CSMD1: variants seen among roughly 807,000 people sequenced by gnomAD.
CSMD1 encodes CUB and sushi domain-containing protein 1.
CSMD1 carries 213 observed loss-of-function variants against 417.5 expected under a neutral mutation model. That is an observed-to-expected ratio of 0.51 (90% CI 0.46 to 0.57). The LOEUF (loss-of-function observed/expected upper bound fraction) is 0.57, where lower values mean the gene tolerates loss of function less well. Among genes scored for constraint, CSMD1 ranks in the 20% least tolerant of loss-of-function variants. CSMD1 has a pLI of 0.00. For missense variants in CSMD1, 6,923 were observed against 4,529.7 expected (o/e 1.53, Z -15.17); for synonymous variants, 2,862 against 1,736.8 (o/e 1.65, Z -16.11).
intron 7 of CSMD1, among the ~76,000 whole-genome samples, chr8:3,682,646 G>A (rs553165031): frequency 6.6e-6 from 1 of 152,264 alleles, no homozygotes; most frequent in South Asian, 2.1e-4. Context: ...ATTCCTCAGG[G>A]ATCTAGAATT....
In CSMD1 at chr8:3,710,475, C is replaced by G. The variant is rs572359108; in HGVS notation, c.932-1984G>C. Among the ~76,000 whole-genome samples, 5 of 152,238 alleles carry G rather than the reference C, an allele frequency of 3.3e-5. No homozygotes were observed. In the East Asian group the frequency reaches 9.7e-4, roughly 30 times the overall value. On this transcript the variant is annotated intron_variant, in intron 6 of 69. Transcript: ENST00000635120. Reference sequence around the variant, plus strand: ...CAACTCAGTAACCGACTGTGTGTGGCAGTGATTGTTACTCTTTTCAAATCA... The same window carrying G: ...CAACTCAGTAACCGACTGTGTGTGGGAGTGATTGTTACTCTTTTCAAATCA...
intron 1 of CSMD1, among the ~76,000 whole-genome samples, chr8:4,980,988 T>A (rs909014073): frequency 7.9e-5 from 12 of 152,230 alleles, no homozygotes; most frequent in Admixed American, 5.9e-4. Context: ...TCAATTTTTT[T>A]AAATTTAACA....
At chr8:3,398,741 T>G (rs1811852844) in intron 16 of CSMD1, among the ~76,000 whole-genome samples, 1 of 152,202 alleles carries the variant, frequency 6.6e-6, no homozygotes. Flanking sequence ...AATCATCAAT[T>G]TGGTCTCAGT....
chr8:3,264,817 C>T (rs931210453), intron 26 of CSMD1, among the ~76,000 whole-genome samples: 1 of 151,980 alleles, frequency 6.6e-6, no homozygotes, highest in Non-Finnish European at 1.5e-5. Context: ...GTTTTGCCTA[C>T]TGTAAAAACT....
At chr8:3,748,251 AT>A (rs201228967) in intron 6 of CSMD1, among the ~76,000 whole-genome samples, 202 of 152,040 alleles carry the variant, frequency 1.3e-3, no homozygotes, top group Non-Finnish European at 1.9e-3. Context: ...ATTAAAAACT[AT>A]TTTTTTTCAT....
intron 2 of CSMD1, among the ~76,000 whole-genome samples, chr8:4,522,013 G>C (rs1019655402): frequency 6.6e-6 from 1 of 152,146 alleles, no homozygotes; most frequent in Non-Finnish European, 1.5e-5. Context: ...CAAGTGAACT[G>C]TGAAAAACCT....
At chr8:3,595,044 C>A (rs1349848809) in intron 8 of CSMD1, among the ~76,000 whole-genome samples, 4 of 152,196 alleles carry the variant, frequency 2.6e-5, no homozygotes, top group Admixed American at 2.0e-4. Context: ...GGCACGTGAA[C>A]CCTTGGGAAC....
At chr8:4,453,600 A>G (rs1799284526) in intron 2 of CSMD1, among the ~76,000 whole-genome samples, 1 of 152,096 alleles carries the variant, frequency 6.6e-6, no homozygotes, top group South Asian at 2.1e-4. Flanking sequence ...AACTGCTGTG[A>G]ATCGACAGCA....
intron 1 of CSMD1, among the ~76,000 whole-genome samples, chr8:4,766,211 T>C (rs1311913428): frequency 1.3e-5 from 2 of 152,170 alleles, no homozygotes; most frequent in East Asian, 1.9e-4. Context: ...TAACAGAGCA[T>C]GTGCTGGTGC....
chr8:3,657,767 C>A (rs942473347), intron 7 of CSMD1, among the ~76,000 whole-genome samples: 1 of 152,056 alleles, frequency 6.6e-6, no homozygotes, highest in Non-Finnish European at 1.5e-5. Flanking sequence ...ATGGGCACAG[C>A]AAACCACCAT....
chr8:2,981,075 C>G (rs993839596), intron 54 of CSMD1, among the ~76,000 whole-genome samples: 4 of 152,130 alleles, frequency 2.6e-5, no homozygotes, highest in African/African-American at 9.7e-5. Context: ...AATTCTGAGG[C>G]TCCAATAGGA....
chr8:2,951,145 G>C lies in CSMD1; in HGVS notation c.10170C>G (p.Ser3390Arg), dbSNP rs375328479. 1 of 1,613,426 alleles carries C rather than the reference G, an allele frequency of 6.2e-7. No homozygotes were observed. The highest frequency in any genetic ancestry group is 1.7e-5 in the Admixed American group (1 of 59,948). The change falls in exon 66 of 70, where the codon AGC becomes AGG. Residue 3390 changes from serine (S) to arginine (R), a missense_variant. By Grantham distance (110) the Ser-to-Arg change is moderately radical. Coordinates refer to ENST00000635120, the MANE Select transcript of CSMD1 (RefSeq NM_033225.6). ...ATSSKVNATF[S>R]EASPVELKLT... ...ACTTCAGCTCCACTGGCGAGGCTTC[G>C]CTGAAGGTGGCATTCACCTTACTGC...
chr8:4,927,528 A>T (rs191613818), intron 1 of CSMD1, among the ~76,000 whole-genome samples: 9 of 152,274 alleles, frequency 5.9e-5, no homozygotes, highest in Non-Finnish European at 5.9e-5. Context: ...TTCCGAGAGC[A>T]AGTGAGTTGG....
intron 5 of CSMD1, among the ~76,000 whole-genome samples, chr8:3,841,254 AG>A (rs763331922): frequency 6.6e-6 from 1 of 152,228 alleles, no homozygotes; most frequent in Non-Finnish European, 1.5e-5. Flanking sequence ...AGTTTTAAAT[AG>A]TTCATGAGCT....
chr8:3,722,210 G>T (rs1434176760), intron 6 of CSMD1, among the ~76,000 whole-genome samples: 1 of 152,148 alleles, frequency 6.6e-6, no homozygotes, highest in Non-Finnish European at 1.5e-5. Flanking sequence ...TCGGGAGGCT[G>T]AGGCAGGAGA....
chr8:4,891,771 G>C lies in CSMD1; in HGVS notation c.85+102561C>G, dbSNP rs572175541. 1.3e-4 allele frequency among the ~76,000 whole-genome samples: 20 copies of C among 152,186 alleles called. No individual in the cohort carries two copies. In the East Asian group the frequency reaches 3.3e-3, roughly 25 times the overall value. ...TTCCCAAAACTCCCTAGTTATTTCA[G>C]TCAAGCAATTATTTAGCAACCCATG... On this transcript the variant is annotated intron_variant, in intron 1 of 69. Transcript: ENST00000635120.
At position 3,052,469 on chromosome 8, in the gene CSMD1, C is replaced by T. The variant is rs373345867; in HGVS notation, c.7653G>A (p.Thr2551=). The T allele has an allele frequency of 3.6e-5, 57 of 1,573,238 alleles. No individual in the cohort carries two copies. The highest frequency in any genetic ancestry group is 4.6e-5 in the Non-Finnish European group (53 of 1,158,378). ...GLWSNKGKPP[T]CKPVACPSIE... is the part of the protein sequence containing the mutation. ...ATGCCCCTGAACACTTACGCTTACA[C>T]GTGGGCGGCTTCCCCTTGTTACTCC... The change falls in exon 50 of 70, where the codon ACG becomes ACA. Residue 2551 remains threonine (T), a synonymous_variant. Coordinates refer to ENST00000635120, the MANE Select transcript of CSMD1 (RefSeq NM_033225.6).
chr8:3,453,309 C>T (rs1002587438), intron 12 of CSMD1, among the ~76,000 whole-genome samples: 10 of 151,950 alleles, frequency 6.6e-5, no homozygotes, highest in African/African-American at 1.5e-4. Context: ...GTCTCTATTT[C>T]GTTCACTTCT....
At chr8:4,019,723 T>C (rs558352530) in intron 4 of CSMD1, among the ~76,000 whole-genome samples, 28 of 152,298 alleles carry the variant, frequency 1.8e-4, no homozygotes, top group Admixed American at 5.9e-4. Flanking sequence ...CACGTGGGTA[T>C]GAATGTGCCT....
Sources: allele counts gnomAD v4.1 joint callset (sites outside exome capture counted in the v4.1 genomes callset), GRCh38; gene constraint gnomAD v4.1.1; transcripts MANE v1.5; gene names NCBI Gene and HGNC (gene_info 2026-07-23, HGNC 2026-07-21).